Variants in ACP6 observed in about 807,000 individuals in gnomAD.
The protein encoded by ACP6 is acid phosphatase 6, lysophosphatidic.
In ACP6, 48 loss-of-function variants were observed where a neutral mutation model predicts 48.1. That is an observed-to-expected ratio of 1.00 (90% CI 0.79 to 1.27). ACP6 has a LOEUF of 1.27. Ranked by LOEUF, ACP6 falls within the 50% of genes most tolerant of loss-of-function variation. ACP6 has a pLI of 0.00. For missense variants in ACP6, 485 were observed against 529.1 expected, an observed-to-expected ratio of 0.92 and a Z score of 0.82; for synonymous variants, 172 against 204.2, an observed-to-expected ratio of 0.84 and a Z score of 1.34.
intron 1 of ACP6, among the ~76,000 whole-genome samples, chr1:147,663,505 G>T (rs1660646490): frequency 6.6e-6 from 1 of 152,148 alleles, no homozygotes; most frequent in South Asian, 2.1e-4. Flanking sequence ...GAAAGCATCT[G>T]TCCTTCAAGA....
chr1:147,664,012 C>T (rs1553213191), intron 1 of ACP6, among the ~76,000 whole-genome samples: 1 of 152,142 alleles, frequency 6.6e-6, no homozygotes, highest in Non-Finnish European at 1.5e-5. Flanking sequence ...TTATCTTCTA[C>T]CCTCCCCGAA....
At chr1:147,657,373 C>G (rs1660309356) in intron 4 of ACP6, among the ~76,000 whole-genome samples, 1 of 152,256 alleles carries the variant, frequency 6.6e-6, no homozygotes, top group East Asian at 1.9e-4. Context: ...AAAGCAATAT[C>G]CCAAAGTTGC....
At chr1:147,655,328 T>TA in intron 4 of ACP6, 80 bp from the exon 5 acceptor site, 2 of 1,042,026 alleles carry the variant, frequency 1.9e-6, no homozygotes, top group Non-Finnish European at 2.9e-6. Flanking sequence ...TCTCTTTGTC[T>TA]ACAGAGATGG....
chr1:147,640,739 C>T (rs999641734), downstream of ACP6, among the ~76,000 whole-genome samples: 3 of 152,160 alleles, frequency 2.0e-5, no homozygotes, highest in African/African-American at 2.4e-5. Flanking sequence ...CACTGCCCCC[C>T]TCCCAATTTC....
intron 8 of ACP6, among the ~76,000 whole-genome samples, chr1:147,648,612 T>TC (rs1274711264): frequency 6.6e-6 from 1 of 152,020 alleles, no homozygotes; most frequent in Non-Finnish European, 1.5e-5. Context: ...ATGAGGAGGG[T>TC]CCCCGCCAGA....
intron 1 of ACP6, among the ~76,000 whole-genome samples, chr1:147,668,802 A>C (rs1420179868): frequency 1.3e-5 from 2 of 152,204 alleles, no homozygotes; most frequent in African/African-American, 4.8e-5. Flanking sequence ...TATGTGGAAA[A>C]TGCTTTAGAA....
downstream of ACP6, among the ~76,000 whole-genome samples, chr1:147,640,207 A>G (rs1659411468): frequency 6.6e-6 from 1 of 152,192 alleles, no homozygotes; most frequent in Non-Finnish European, 1.5e-5. Context: ...AAACTCTGCC[A>G]TGCTAAAGGA....
In ACP6 at chr1:147,654,308, G is replaced by C. The variant is rs1660117540; in HGVS notation, c.666C>G (p.Ala222=). 6 of 1,614,086 alleles carry C rather than the reference G, an allele frequency of 3.7e-6. No individual in the cohort carries two copies. The highest frequency in any genetic ancestry group is 1.7e-5 in the Admixed American group (1 of 60,008). ...RQRTRGRRQT[A]SLQPGISEDL... Reference sequence around the variant, plus strand: ...CCTCTGAGATTCCTGGCTGTAAAGAGGCAGTCTGCCTCCGGCCTCTGACAA... The same window carrying C: ...CCTCTGAGATTCCTGGCTGTAAAGACGCAGTCTGCCTCCGGCCTCTGACAA... Residue 222 remains alanine (A), a synonymous_variant, in exon 6 of 10, where the codon GCC becomes GCG. Coordinates refer to ENST00000583509, the MANE Select transcript of ACP6 (RefSeq NM_016361.5).
In ACP6 at chr1:147,650,081, C is replaced by G. The variant is rs947089529; in HGVS notation, c.977+62G>C. ...TGCCTCACTAAGATTTGGGTTCCCT[C>G]CCTACAGCCAGAAGTTCCCACGGCC... On this transcript the variant is annotated intron_variant, in intron 8 of 9. Transcript: ENST00000583509. The G allele has an allele frequency of 4.7e-6, 7 of 1,480,272 alleles. 1 individual carries two copies. In the African/African-American group the frequency reaches 7.1e-5, roughly 15 times the overall value. The allele number at this position is 1,480,272 out of a possible 1,614,324, so 91.7% of individuals were successfully genotyped here.
rs781849731 is a variant in ACP6 at position 147,659,466 on chromosome 1, C to T, written c.409G>A (p.Glu137Lys). The T allele has an allele frequency of 1.1e-5, 17 of 1,614,250 alleles. No homozygotes were observed. Among genetic ancestry groups the T allele is most frequent in the East Asian group, 8.9e-5 (4 of 44,888 alleles). ...TCCACATAGTTCTTCCTCAGTCTCT[C>T]TCCCAAGGCAAACATTTGCTGCATG... ...VGMQQMFALGERLRKNYVEDI... is the reference protein window; with the variant it reads ...VGMQQMFALGKRLRKNYVEDI... The change falls in exon 3 of 10, where the codon GAG (glutamate) becomes AAG (lysine). Residue 137 changes from glutamate (E) to lysine (K), a missense_variant. Transcript: ENST00000583509.
chr1:147,641,082 G>A (rs587662826), downstream of ACP6, among the ~76,000 whole-genome samples: 1 of 152,184 alleles, frequency 6.6e-6, no homozygotes, highest in Non-Finnish European at 1.5e-5. Context: ...CAGGGTAGGT[G>A]CCCTTAGCCC....
At chr1:147,659,268 A>G (rs1210817672) in intron 3 of ACP6, 128 bp downstream of exon 3, 3 of 1,324,394 alleles carry the variant, frequency 2.3e-6, no homozygotes, top group Non-Finnish European at 3.1e-6. Context: ...ACATAAGGGT[A>G]TGCAGCATGA....
At chr1:147,631,829 AC>A (rs1659171970) in intron 5 of ACP6, among the ~76,000 whole-genome samples, 154 of 152,058 alleles carry the variant, frequency 1.0e-3, no homozygotes, top group African/African-American at 3.1e-3. Flanking sequence ...AACAACAACA[AC>A]AACAAAAAAA....
chr1:147,659,079 T>G (rs1332250702), intron 3 of ACP6, 40 bp from the exon 4 acceptor site: 52 of 1,537,080 alleles, frequency 3.4e-5, no homozygotes, highest in Non-Finnish European at 4.4e-5. Context: ...ATAAAAGGAA[T>G]ATTTAATTAT....
Position 147,659,382 on chromosome 1 carries a change from T to A in ACP6, c.479+14A>T, listed in dbSNP as rs1553212269. On this transcript the variant is annotated intron_variant, in intron 3 of 9. Coordinates refer to ENST00000583509, the MANE Select transcript of ACP6 (RefSeq NM_016361.5). ...CCTTAAATTAAGTGCAACATCCCCT[T>A]TCAAGTGACTCACAAGACCTCCTGT... 6.2e-7 allele frequency: 1 copy of A among 1,613,158 alleles called. No homozygotes were observed. Among genetic ancestry groups the A allele is most frequent in the Admixed American group, 1.7e-5 (1 of 59,970 alleles).
In ACP6 at chr1:147,642,476, C is replaced by CT. The variant is rs200823745; in HGVS notation, c.*4946dup. 0.58 allele frequency: 42,815 copies of CT among 73,358 alleles called. 6,599 individuals are homozygous for CT. Among genetic ancestry groups the CT allele is most frequent in the Middle Eastern group, 0.68 (138 of 204 alleles). The allele number at this position is 73,358 out of a possible 1,614,324, so 4.5% of individuals were successfully genotyped here. On this transcript the variant is annotated 3_prime_UTR_variant, in exon 10 of 10. Transcript: ENST00000583509. ...AAAGAGGCCAGAGGAGTGCGATTTC[C>CT]TTTTTTTTTAAACATACTATAGGTC...
chr1:147,652,608 C>T, intron 6 of ACP6, 59 bp from the exon 7 acceptor site: 8 of 1,611,988 alleles, frequency 5.0e-6, no homozygotes, highest in Non-Finnish European at 5.9e-6. Context: ...ATTCTGGCAG[C>T]TGATCAGCTT....
At position 147,659,042 on chromosome 1, in the gene ACP6, G is replaced by GA. The variant is rs782580992; in HGVS notation, c.480-4dup. 8.1e-6 allele frequency: 13 copies of GA among 1,602,874 alleles called. No individual in the cohort carries two copies. Among genetic ancestry groups the GA allele is most frequent in the African/African-American group, 6.8e-5 (5 of 74,006 alleles). On this transcript the variant is annotated splice_polypyrimidine_tract_variant and splice_region_variant and intron_variant, in intron 3 of 9. Transcript: ENST00000583509. ...GAAAAATGTTAGTGGAACGAATACT[G>GA]AAAAAAATGAGAAAATAGTGACACT...
In ACP6 at chr1:147,659,744, G is replaced by A. The variant is rs2148912293; in HGVS notation, c.251C>T (p.Pro84Leu). The A allele has an allele frequency of 6.2e-7, 1 of 1,614,000 alleles. No homozygotes were observed. The highest frequency in any genetic ancestry group is 1.1e-5 in the South Asian group (1 of 91,076). The part of the protein sequence containing the change: ...VEWNPQLLEV[P>L]PQTQFDYTVT... ...TGTGTAATCAAACTGAGTTTGGGGT[G>A]GGACCTCTAATAGCTGGGGGTTCCA... is the stretch of plus-strand genomic sequence containing the variant. Residue 84 changes from proline to leucine, a missense_variant, in exon 2 of 10, where the codon CCA (proline) becomes CTA (leucine). By Grantham distance (98) the Pro-to-Leu change is moderately conservative (BLOSUM62 -3). Coordinates refer to ENST00000583509, the MANE Select transcript of ACP6 (RefSeq NM_016361.5).
Sources: allele counts gnomAD v4.1 joint callset (sites outside exome capture counted in the v4.1 genomes callset), GRCh38; gene constraint gnomAD v4.1.1; transcripts MANE v1.5; gene names NCBI Gene and HGNC (gene_info 2026-07-23, HGNC 2026-07-21).